The following DAB2IP variants were observed in gnomAD, a reference collection of about 807,000 sequenced individuals.
DAB2IP encodes DAB2 interacting protein.
DAB2IP carries 28 observed loss-of-function variants against 107.2 expected under a neutral mutation model. The ratio of observed to expected loss-of-function variants is 0.26; its 90% CI spans 0.19 to 0.36. DAB2IP has a LOEUF of 0.36. Among genes scored for constraint, DAB2IP ranks in the 10% least tolerant of loss-of-function variants. DAB2IP has a pLI of 1.00. For synonymous variants in DAB2IP, 755 were observed against 706.4 expected (o/e 1.07, Z -1.09); for missense variants, 1,400 against 1,644.7 (o/e 0.85, Z 2.57).
chr9:121,598,168 C>G (rs1830567434), intron 1 of DAB2IP: 1 of 152,320 alleles, frequency 6.6e-6, no homozygotes, highest in Non-Finnish European at 1.5e-5. Context: ...GGCGTCCTCC[C>G]GCCCTCCCGC....
In DAB2IP at chr9:121,770,658, C is replaced by G. The variant is rs199563033; in HGVS notation, c.2012C>G (p.Pro671Arg). The G allele has an allele frequency of 3.1e-6, 5 of 1,614,142 alleles. No homozygotes were observed. The Admixed American group carries it at 6.7e-5, about 22-fold the overall frequency. ...GGGACCAATGACCTGGCCTCCACAC[C>G]GGGCTCTGGCAGCAGCAGCATCTCA... Residue 671 changes from proline (P) to arginine (R), a missense_variant, in exon 11 of 16, where the codon CCG becomes CGG. Coordinates refer to ENST00000408936, the Ensembl canonical transcript of DAB2IP.
intron 3 of DAB2IP, among the ~76,000 whole-genome samples, chr9:121,715,173 T>C (rs1830532499): frequency 6.6e-6 from 1 of 151,990 alleles, no homozygotes; most frequent in African/African-American, 2.4e-5. Flanking sequence ...AGGACCTTGC[T>C]CCTGCAGGGC....
At chr9:121,691,765 G>A (rs1300317521) in intron 2 of DAB2IP, among the ~76,000 whole-genome samples, 2 of 152,152 alleles carry the variant, frequency 1.3e-5, no homozygotes, top group African/African-American at 2.4e-5. Flanking sequence ...GAGGAAGGAT[G>A]AAAATTATTT....
intron 3 of DAB2IP, among the ~76,000 whole-genome samples, chr9:121,718,446 A>T (rs961528348): frequency 1.3e-5 from 2 of 152,148 alleles, no homozygotes; most frequent in African/African-American, 4.8e-5. Flanking sequence ...GGGACAACAA[A>T]ACCCGACTTC....
intron 3 of DAB2IP, among the ~76,000 whole-genome samples, chr9:121,728,759 A>G (rs1831367833): frequency 6.6e-6 from 1 of 151,686 alleles, no homozygotes; most frequent in African/African-American, 2.4e-5. Flanking sequence ...GTGGAATTCT[A>G]TCTAGCTTTA....
At chr9:121,768,573 G>A in exon 10 of DAB2IP, 2 of 1,614,146 alleles carry the variant, frequency 1.2e-6, no homozygotes, top group East Asian at 4.5e-5. Context: ...ACATCGACCT[G>A]GGCCGCGAGC....
intron 1 of DAB2IP, among the ~76,000 whole-genome samples, chr9:121,577,690 T>C (rs1010297807): frequency 5.9e-5 from 9 of 152,252 alleles, no homozygotes; most frequent in African/African-American, 2.2e-4. Context: ...TCCCATGCTC[T>C]CTCTGTGACA....
chr9:121,644,322 C>T (rs1365113926), intron 1 of DAB2IP, among the ~76,000 whole-genome samples: 2 of 152,012 alleles, frequency 1.3e-5, no homozygotes, highest in African/African-American at 2.4e-5. Flanking sequence ...AAAGGCTGGG[C>T]GCAGTGGCTC....
At chr9:121,625,918 T>C (rs1004010649) in intron 1 of DAB2IP, among the ~76,000 whole-genome samples, 1 of 151,964 alleles carries the variant, frequency 6.6e-6, no homozygotes, top group Non-Finnish European at 1.5e-5. Flanking sequence ...TGGGCTGGAG[T>C]GTGTTCCCCA....
rs76577891 is a variant in DAB2IP, at chr9:121,593,264, T to C, written c.40+26036T>C. Among the ~76,000 whole-genome samples the C allele has an allele frequency of 3.7e-3, 563 of 152,174 alleles. 2 individuals are homozygous for C. Among genetic ancestry groups the C allele is most frequent in the African/African-American group, 0.013 (541 of 41,516 alleles). ...CTGTGCTTGGCTTCTCTTGGAATTT[T>C]GTTGTTGTTGTTGTATTTCTTGAGA... On this transcript the variant is annotated intron_variant, in intron 1 of 16. Transcript: ENST00000259371.
chr9:121,782,897 T>TAGGGGCC lies in DAB2IP; in HGVS notation c.*400_*406dup. On this transcript the variant is annotated 3_prime_UTR_variant, in exon 16 of 16. Coordinates refer to ENST00000408936, the Ensembl canonical transcript of DAB2IP. The surrounding 1 kb of genome is among the most constrained non-coding windows in gnomAD (Gnocchi z 6.1). ...CTTCCTGGAGGGGGGATTCAAGGGCTAGGGGCCTACACCTGTGGCTTCCCC... is the reference window on the plus strand; with the variant it reads ...CTTCCTGGAGGGGGGATTCAAGGGCTAGGGGCCAGGGGCCTACACCTGTGGCTTCCCC... The TAGGGGCC allele has an allele frequency of 9.6e-7, 1 of 1,045,404 alleles. No individual in the cohort carries two copies. Among genetic ancestry groups the TAGGGGCC allele is most frequent in the Non-Finnish European group, 1.2e-6 (1 of 867,692 alleles). The allele number at this position is 1,045,404 out of a possible 1,614,324, so 64.8% of individuals were successfully genotyped here. A position where few individuals can be genotyped will look rare whatever the true frequency, so the allele number is the denominator to read the frequency against.
intron 3 of DAB2IP, among the ~76,000 whole-genome samples, chr9:121,743,680 C>T (rs1037131332): frequency 3.3e-5 from 5 of 152,222 alleles, no homozygotes; most frequent in African/African-American, 7.2e-5. Flanking sequence ...CCCGGCCACT[C>T]GGCTTCCCGA....
At chr9:121,650,331 A>T (rs1297750315), upstream of DAB2IP, among the ~76,000 whole-genome samples, 5 of 152,164 alleles carry the variant, frequency 3.3e-5, no homozygotes, top group African/African-American at 9.7e-5. Context: ...GCTGTGAGAC[A>T]GGCTCCGCAG....
At chr9:121,778,843 A>G (rs1320301927) in intron 14 of DAB2IP, among the ~76,000 whole-genome samples, 2 of 150,832 alleles carry the variant, frequency 1.3e-5, no homozygotes, top group Non-Finnish European at 2.9e-5. Context: ...TCTGTACTTT[A>G]TGTATCTGTT....
intron 1 of DAB2IP, among the ~76,000 whole-genome samples, chr9:121,608,597 C>T (rs1012678467): frequency 1.3e-5 from 2 of 152,006 alleles, no homozygotes; most frequent in African/African-American, 4.8e-5. Flanking sequence ...GACCCCAAAT[C>T]GAGGACCTAG....
At chr9:121,783,047 G>T in exon 16 of DAB2IP, 1 of 1,033,356 alleles carries the variant, frequency 9.7e-7, no homozygotes, top group Non-Finnish European at 1.2e-6. Context: ...AGTGTCCCCT[G>T]CCTGTCTCCA....
chr9:121,572,592 A>AG (rs1284978552), intron 1 of DAB2IP, among the ~76,000 whole-genome samples: 2 of 151,986 alleles, frequency 1.3e-5, no homozygotes, highest in African/African-American at 2.4e-5. Context: ...ATCTCATCCC[A>AG]GCTCTCTCGG....
chr9:121,643,357 C>A (rs1832427672), intron 1 of DAB2IP, among the ~76,000 whole-genome samples: 1 of 151,972 alleles, frequency 6.6e-6, no homozygotes. Context: ...CAAATCTAAG[C>A]CTCAAGCCCA....
chr9:121,616,524 G>T (rs1831285622), intron 1 of DAB2IP, among the ~76,000 whole-genome samples: 1 of 152,208 alleles, frequency 6.6e-6, no homozygotes, highest in Non-Finnish European at 1.5e-5. Context: ...GCTGGTGGTA[G>T]TTGGTGACAG....
Sources: allele counts gnomAD v4.1 joint callset (sites outside exome capture counted in the v4.1 genomes callset), GRCh38; gene constraint gnomAD v4.1.1; non-coding constraint Gnocchi (gnomAD v3.1); transcripts MANE v1.5; gene names NCBI Gene and HGNC (gene_info 2026-07-23, HGNC 2026-07-21).